CDK14: variants seen among roughly 807,000 people sequenced by gnomAD.
CDK14 encodes the protein cyclin-dependent kinase 14.
A neutral mutation model predicts 60.7 loss-of-function variants in CDK14; 34 were observed. That is an observed-to-expected ratio of 0.56 (90% CI 0.43 to 0.75). The LOEUF (loss-of-function observed/expected upper bound fraction) is 0.75, where lower values mean the gene tolerates loss of function less well. CDK14 is among the 30% of genes least tolerant of loss of function. The pLI is 0.00. For missense variants in CDK14, 482 were observed against 564.1 expected (o/e 0.85, Z 1.47); for synonymous variants, 197 against 203.7 (o/e 0.97, Z 0.28).
At chr7:90,764,625 A>G (rs1804475782) in intron 4 of CDK14, among the ~76,000 whole-genome samples, 1 of 152,230 alleles carries the variant, frequency 6.6e-6, no homozygotes, top group Non-Finnish European at 1.5e-5. Flanking sequence ...ATGATCTGAC[A>G]GAAAGGAAAT....
intron 8 of CDK14, among the ~76,000 whole-genome samples, chr7:90,943,982 G>A (rs1794017650): frequency 6.6e-6 from 1 of 152,204 alleles, no homozygotes; most frequent in Non-Finnish European, 1.5e-5. Context: ...ATCCTCACAG[G>A]AGTGAGTGAG....
intron 3 of CDK14, among the ~76,000 whole-genome samples, chr7:90,738,897 CT>C (rs10640762): frequency 1.3e-5 from 2 of 150,494 alleles, no homozygotes; most frequent in Admixed American, 6.6e-5. Context: ...CTGAATTATT[CT>C]TTTTTTTTTA....
At chr7:90,963,280 A>G (rs1004213742) in intron 9 of CDK14, among the ~76,000 whole-genome samples, 2 of 151,846 alleles carry the variant, frequency 1.3e-5, no homozygotes, top group African/African-American at 4.8e-5. Flanking sequence ...AAGTTCAGTT[A>G]CCATGGTAGA....
intron 5 of CDK14, among the ~76,000 whole-genome samples, chr7:90,853,304 A>G (rs1260529184): frequency 1.3e-5 from 2 of 152,112 alleles, no homozygotes; most frequent in African/African-American, 2.4e-5. Flanking sequence ...AATACCATCA[A>G]ATTTTCAGAA....
chr7:90,953,263 T>C (rs1794315186), intron 8 of CDK14, among the ~76,000 whole-genome samples: 1 of 152,192 alleles, frequency 6.6e-6, no homozygotes, highest in Non-Finnish European at 1.5e-5. Flanking sequence ...CTTAAAAATA[T>C]AATAACATTC....
chr7:91,139,751 T>C (rs971414544), intron 14 of CDK14, among the ~76,000 whole-genome samples: 2 of 152,008 alleles, frequency 1.3e-5, no homozygotes, highest in Non-Finnish European at 2.9e-5. Flanking sequence ...CAGGAAACAA[T>C]TCAGAACTTT....
At chr7:90,909,437 C>G (rs141670305) in intron 7 of CDK14, among the ~76,000 whole-genome samples, 6 of 109,558 alleles carry the variant, frequency 5.5e-5, no homozygotes, top group African/African-American at 7.2e-5. Context: ...CCCCACCCCC[C>G]ACCCCCGCAA....
At chr7:91,124,483 A>G (rs879350766) in intron 14 of CDK14, among the ~76,000 whole-genome samples, 1 of 152,126 alleles carries the variant, frequency 6.6e-6, no homozygotes, top group Non-Finnish European at 1.5e-5. Flanking sequence ...AAATAAAAAT[A>G]ATAAATTTTT....
At chr7:90,732,770 G>T (rs1220111677) in intron 3 of CDK14, among the ~76,000 whole-genome samples, 2 of 151,912 alleles carry the variant, frequency 1.3e-5, no homozygotes, top group African/African-American at 4.8e-5. Context: ...TATCTATTTT[G>T]TTGATCTTTC....
intron 7 of CDK14, among the ~76,000 whole-genome samples, chr7:90,903,085 A>T (rs1213882085): frequency 1.3e-5 from 2 of 152,158 alleles, no homozygotes; most frequent in Non-Finnish European, 2.9e-5. Context: ...GACAAAACAT[A>T]ACAAATGTTA....
At chr7:90,825,028 AC>A (rs1394850582) in intron 5 of CDK14, among the ~76,000 whole-genome samples, 1 of 152,182 alleles carries the variant, frequency 6.6e-6, no homozygotes, top group African/African-American at 2.4e-5. Context: ...ATGAAAGGTT[AC>A]CTTTGGTTGT....
chr7:91,103,393 A>C (rs1448715537), intron 12 of CDK14, among the ~76,000 whole-genome samples: 1 of 152,004 alleles, frequency 6.6e-6, no homozygotes, highest in Non-Finnish European at 1.5e-5. Context: ...GGTACTCTCT[A>C]GTCTGGCAGA....
At chr7:90,605,606 A>G (rs1417773368) in intron 2 of CDK14, among the ~76,000 whole-genome samples, 2 of 152,138 alleles carry the variant, frequency 1.3e-5, no homozygotes, top group East Asian at 1.9e-4. Context: ...TCTCTTTGTA[A>G]AGAAAGTTTC....
intron 4 of CDK14, among the ~76,000 whole-genome samples, chr7:90,782,658 G>T (rs1010488474): frequency 3.9e-5 from 6 of 152,060 alleles, no homozygotes; most frequent in African/African-American, 1.4e-4. Context: ...CCACACACAG[G>T]CTCATAGTCT....
At chr7:91,056,971 G>A (rs1797591762) in intron 11 of CDK14, among the ~76,000 whole-genome samples, 1 of 152,044 alleles carries the variant, frequency 6.6e-6, no homozygotes, top group South Asian at 2.1e-4. Context: ...CCAGATCCCT[G>A]AGGAATTGCC....
intron 10 of CDK14, among the ~76,000 whole-genome samples, chr7:91,020,145 C>T (rs1472996188): frequency 1.3e-5 from 2 of 152,126 alleles, no homozygotes; most frequent in Non-Finnish European, 2.9e-5. Flanking sequence ...TTGTAACTGC[C>T]CCCTTTTACT....
chr7:90,598,432 T>C (rs1442273338), intron 1 of CDK14, among the ~76,000 whole-genome samples: 1 of 152,228 alleles, frequency 6.6e-6, no homozygotes, highest in East Asian at 1.9e-4. Context: ...TTCTAAGAGC[T>C]GGTGGATTTT....
At chr7:90,799,645 G>A (rs541789015) in intron 5 of CDK14, among the ~76,000 whole-genome samples, 46 of 134,082 alleles carry the variant, frequency 3.4e-4, no homozygotes, top group African/African-American at 5.4e-4. Flanking sequence ...AGACAAGATC[G>A]CGCCACTGCG....
intron 5 of CDK14, among the ~76,000 whole-genome samples, chr7:90,837,098 A>C (rs1346368027): frequency 6.6e-6 from 1 of 152,120 alleles, no homozygotes; most frequent in Non-Finnish European, 1.5e-5. Flanking sequence ...AGTAGGAGTT[A>C]GTTTTAGAGT....
Sources: allele counts gnomAD v4.1 joint callset (sites outside exome capture counted in the v4.1 genomes callset), GRCh38; gene constraint gnomAD v4.1.1; transcripts MANE v1.5; gene names NCBI Gene and HGNC (gene_info 2026-07-23, HGNC 2026-07-21).